The following KCNAB1 variants were observed in gnomAD, a reference collection of about 807,000 sequenced individuals.
The protein encoded by KCNAB1 is voltage-gated potassium channel subunit beta-1.
Under a neutral mutation model 64.6 loss-of-function variants are expected in KCNAB1, and 35 were observed. The observed-to-expected ratio is 0.54, with a 90% CI of 0.41 to 0.72. KCNAB1 has a LOEUF of 0.72. Among genes scored for constraint, KCNAB1 ranks in the 30% least tolerant of loss-of-function variants. The pLI is 0.00. For synonymous variants in KCNAB1, 177 were observed against 183.8 expected (o/e 0.96, Z 0.30); for missense variants, 401 against 512.9 (o/e 0.78, Z 2.11).
At position 156,325,016 on chromosome 3, in the gene KCNAB1, C is replaced by T. The variant is rs577037629; in HGVS notation, c.276-96600C>T. Among the ~76,000 whole-genome samples the T allele has an allele frequency of 3.9e-5, 6 of 152,226 alleles. No individual in the cohort carries two copies. In the South Asian group the frequency reaches 1.0e-3, roughly 26 times the overall value. ...ATCATGGCACTGAACTTCATTTGCC[C>T]AAGGGCACCCAATATAGTATATGGG... On this transcript the variant is annotated intron_variant, in intron 1 of 13. Transcript: ENST00000490337.
At chr3:156,244,571 A>G (rs1268249305) in intron 1 of KCNAB1, among the ~76,000 whole-genome samples, 1 of 152,198 alleles carries the variant, frequency 6.6e-6, no homozygotes, top group African/African-American at 2.4e-5. Flanking sequence ...CTTCTCTTCC[A>G]GATTCCTACT....
intron 1 of KCNAB1, among the ~76,000 whole-genome samples, chr3:156,365,694 T>A (rs945288773): frequency 3.3e-5 from 5 of 152,228 alleles, no homozygotes; most frequent in African/African-American, 1.2e-4. Context: ...TGTCTGGAAG[T>A]CCTGAGCCTC....
chr3:156,535,706 A>G (rs192404043), intron 13 of KCNAB1, among the ~76,000 whole-genome samples: 94 of 152,238 alleles, frequency 6.2e-4, no homozygotes, highest in African/African-American at 2.1e-3. Flanking sequence ...TGAAACCACC[A>G]TCTTCCCCCA....
chr3:156,357,925 A>T (rs1725366824), intron 1 of KCNAB1, among the ~76,000 whole-genome samples: 1 of 151,810 alleles, frequency 6.6e-6, no homozygotes, highest in African/African-American at 2.4e-5. Flanking sequence ...AGAAATCCTT[A>T]ATCTGTACTT....
rs1328728826 is a variant in KCNAB1, at chr3:156,452,977, T to C, written c.357+41T>C. The C allele has an allele frequency of 3.5e-6, 5 of 1,448,824 alleles. No homozygotes were observed. Among genetic ancestry groups the C allele is most frequent in the Middle Eastern group, 1.8e-4 (1 of 5,692 alleles). 89.7% of individuals were successfully genotyped at this position (1,448,824 alleles called of 1,614,324 possible). On this transcript the variant is annotated intron_variant, in intron 3 of 13. Transcript: ENST00000490337. The surrounding 1 kb of genome is among the most constrained non-coding windows in gnomAD (Gnocchi z 4.6). The stretch of plus-strand genomic sequence containing the variant: ...CCTCTATTATGCTAATGAAAGAAAA[T>C]GCAGAGAGAGCTGTATTGCAGGAGT...
At chr3:156,301,843 G>A (rs1306126093) in intron 1 of KCNAB1, among the ~76,000 whole-genome samples, 1 of 152,134 alleles carries the variant, frequency 6.6e-6, no homozygotes, top group Non-Finnish European at 1.5e-5. Context: ...CGTGGGTTCT[G>A]TTTCAAAACA....
intron 1 of KCNAB1, among the ~76,000 whole-genome samples, chr3:156,415,569 G>A (rs904564044): frequency 2.0e-5 from 3 of 151,860 alleles, no homozygotes; most frequent in Non-Finnish European, 2.9e-5. Context: ...CACCCCACTC[G>A]CTGCGCTCTA....
rs1198561165 is a variant in KCNAB1, at chr3:156,476,390, CACA to C, written c.658+1573_658+1575del. Among the ~76,000 whole-genome samples the C allele has an allele frequency of 2.0e-5, 3 of 152,074 alleles. 1 individual carries two copies. The highest frequency in any genetic ancestry group is 6.6e-5 in the Admixed American group (1 of 15,248). On this transcript the variant is annotated intron_variant, in intron 8 of 13. Coordinates refer to ENST00000490337, the MANE Select transcript of KCNAB1 (RefSeq NM_172160.3). ...TAGTTCTCACATATCGGTGAGAACACACAACGTTTGGTTTCCCATTCCTGGGTT... is the reference window on the plus strand; with the variant it reads ...TAGTTCTCACATATCGGTGAGAACACACGTTTGGTTTCCCATTCCTGGGTT...
chr3:156,336,063 T>C (rs1723687973), intron 1 of KCNAB1, among the ~76,000 whole-genome samples: 1 of 152,036 alleles, frequency 6.6e-6, no homozygotes, highest in Non-Finnish European at 1.5e-5. Flanking sequence ...ATCTAGAACA[T>C]ATTTAAAAGT....
intron 8 of KCNAB1, among the ~76,000 whole-genome samples, chr3:156,478,186 A>G (rs1392983569): frequency 2.6e-5 from 4 of 152,074 alleles, no homozygotes; most frequent in African/African-American, 9.7e-5. Flanking sequence ...AAAAATCCTT[A>G]ATATCAAATG....
chr3:156,400,779 C>T (rs1713833068), intron 1 of KCNAB1, among the ~76,000 whole-genome samples: 1 of 152,212 alleles, frequency 6.6e-6, no homozygotes, highest in Admixed American at 6.5e-5. Flanking sequence ...CTTCTCTCCA[C>T]TCAGGTCTTA....
chr3:156,164,299 A>G lies in KCNAB1; in HGVS notation c.275+43413A>G, dbSNP rs192561200. Reference sequence around the variant, plus strand: ...GTGCTTTTGCAATATATTATACCCCATTTGATCCTCACATCATTCTGTATA... The same window carrying G: ...GTGCTTTTGCAATATATTATACCCCGTTTGATCCTCACATCATTCTGTATA... On this transcript the variant is annotated intron_variant, in intron 1 of 13. Transcript: ENST00000490337. 3.0e-3 allele frequency among the ~76,000 whole-genome samples: 454 copies of G among 152,202 alleles called. 2 individuals carry two copies. The highest frequency in any genetic ancestry group is 0.011 in the African/African-American group (440 of 41,530).
rs528772700 is a variant in KCNAB1 at position 156,158,349 on chromosome 3, G to A, written c.275+37463G>A. On this transcript the variant is annotated intron_variant, in intron 1 of 13. Coordinates refer to ENST00000490337, the MANE Select transcript of KCNAB1 (RefSeq NM_172160.3). The stretch of plus-strand genomic sequence containing the variant: ...TAGCTCAGATCTAAAACCAAAACAA[G>A]TGTTGGGATTCGTTAGTCATATCTC... Among the ~76,000 whole-genome samples, 604 of 152,076 alleles carry A rather than the reference G, an allele frequency of 4.0e-3. 2 individuals carry two copies. The highest frequency in any genetic ancestry group is 0.014 in the African/African-American group (568 of 41,506).
At chr3:156,318,120 T>C (rs1485253312) in intron 1 of KCNAB1, among the ~76,000 whole-genome samples, 1 of 152,208 alleles carries the variant, frequency 6.6e-6, no homozygotes, top group Non-Finnish European at 1.5e-5. Context: ...TCAAGTGTGC[T>C]GGGTGTCTTT....
intron 1 of KCNAB1, among the ~76,000 whole-genome samples, chr3:156,357,169 A>G (rs1560214584): frequency 1.3e-5 from 2 of 151,922 alleles, no homozygotes; most frequent in South Asian, 2.1e-4. Context: ...GCACACACAC[A>G]CACACACACA....
At chr3:156,255,511 C>T (rs1222632426) in intron 1 of KCNAB1, among the ~76,000 whole-genome samples, 2 of 152,148 alleles carry the variant, frequency 1.3e-5, no homozygotes, top group Non-Finnish European at 2.9e-5. Context: ...CCTGCTTTGA[C>T]CCGAGCCTCT....
intron 1 of KCNAB1, among the ~76,000 whole-genome samples, chr3:156,343,143 T>C (rs1026084155): frequency 2.0e-5 from 3 of 152,270 alleles, no homozygotes; most frequent in Non-Finnish European, 4.4e-5. Flanking sequence ...ATCGTACAGC[T>C]ACAGCTCTCT....
chr3:156,262,737 G>T (rs886887060), intron 1 of KCNAB1, among the ~76,000 whole-genome samples: 1 of 151,882 alleles, frequency 6.6e-6, no homozygotes, highest in African/African-American at 2.4e-5. Context: ...GTTTGTAAAG[G>T]ATTGTTACTA....
chr3:156,356,118 TAAAAA>T (rs369640404), intron 1 of KCNAB1, among the ~76,000 whole-genome samples: 1 of 88,320 alleles, frequency 1.1e-5, no homozygotes, highest in Non-Finnish European at 2.6e-5. Flanking sequence ...TGGGACCCTG[TAAAAA>T]AAAAAAAAAA....
Sources: gnomAD v4.1 joint callset for allele counts (sites outside exome capture counted in the v4.1 genomes callset) on GRCh38, gnomAD v4.1.1 for gene constraint, Gnocchi (gnomAD v3.1) non-coding constraint, MANE v1.5 for transcripts, NCBI Gene and HGNC (gene_info 2026-07-23, HGNC 2026-07-21) for gene names.